The following NXN variants were observed in gnomAD, a reference collection of about 807,000 sequenced individuals.
NXN encodes the protein nucleoredoxin 1.
In NXN, 16 loss-of-function variants were observed where a neutral mutation model predicts 48.6. That is an observed-to-expected ratio of 0.33 (90% CI 0.22 to 0.50). The LOEUF is 0.50. NXN is among the 20% of genes least tolerant of loss of function. NXN has a pLI of 0.98. For missense variants in NXN, 492 were observed against 605.5 expected, an observed-to-expected ratio of 0.81 and a Z score of 1.97; for synonymous variants, 281 against 269.6, an observed-to-expected ratio of 1.04 and a Z score of -0.41.
intron 1 of NXN, among the ~76,000 whole-genome samples, chr17:880,715 G>A (rs974964670): frequency 5.9e-5 from 9 of 152,168 alleles, no homozygotes; most frequent in Admixed American, 5.2e-4. Flanking sequence ...AAGAAGCAGA[G>A]GGGCTGGCCT....
At chr17:891,239 T>G (rs1453079476) in intron 1 of NXN, among the ~76,000 whole-genome samples, 1 of 152,102 alleles carries the variant, frequency 6.6e-6, no homozygotes, top group Non-Finnish European at 1.5e-5. Flanking sequence ...CATGCCCAGC[T>G]AATTTTTTGT....
chr17:817,274 G>T (rs899286279), intron 5 of NXN, among the ~76,000 whole-genome samples: 2 of 151,948 alleles, frequency 1.3e-5, no homozygotes, highest in African/African-American at 4.8e-5. Context: ...TATGTACTTG[G>T]GATTGAGAAG....
At chr17:943,934 TA>T (rs969526799) in intron 1 of NXN, among the ~76,000 whole-genome samples, 30 of 147,822 alleles carry the variant, frequency 2.0e-4, no homozygotes, top group Non-Finnish European at 2.9e-4. Context: ...ATCCTTCTCC[TA>T]AAAAAAAAAT....
chr17:911,408 C>T (rs1351291526), intron 1 of NXN, among the ~76,000 whole-genome samples: 5 of 144,010 alleles, frequency 3.5e-5, no homozygotes, highest in African/African-American at 7.7e-5. Flanking sequence ...GGCGCGATCT[C>T]GGCTTGCTGC....
intron 1 of NXN, among the ~76,000 whole-genome samples, chr17:827,245 G>A (rs1322167396): frequency 1.3e-5 from 2 of 152,188 alleles, no homozygotes; most frequent in Non-Finnish European, 2.9e-5. Flanking sequence ...TTGGGAGGCC[G>A]AGGTGGGTGG....
chr17:863,287 C>T (rs977742844), intron 1 of NXN, among the ~76,000 whole-genome samples: 2 of 152,184 alleles, frequency 1.3e-5, no homozygotes, highest in Non-Finnish European at 1.5e-5. Flanking sequence ...CCTACCTCAG[C>T]CTCCTGAGTA....
intron 1 of NXN, chr17:896,856 C>CCGGGGGGGGGGGG: frequency 1.7e-6 from 2 of 1,156,928 alleles, no homozygotes; most frequent in Non-Finnish European, 2.2e-6. Context: ...CGGTCCTGAC[C>CCGGGGGGGGGGGG]ACCCGCCCCC....
chr17:916,333 TATTTAAAACA>T (rs1439472216), intron 1 of NXN, among the ~76,000 whole-genome samples: 1 of 152,200 alleles, frequency 6.6e-6, no homozygotes, highest in Non-Finnish European at 1.5e-5. Flanking sequence ...AAAATGAGAT[TATTTAAAACA>T]ATTTAAAAGA....
rs1382010266 is a variant in NXN, at chr17:920,365, A to G, written c.360+58954T>C. On this transcript the variant is annotated intron_variant, in intron 1 of 7. Coordinates refer to ENST00000336868, the MANE Select transcript of NXN (RefSeq NM_022463.5). The surrounding 1 kb of genome is among the most constrained non-coding windows in gnomAD (Gnocchi z 4.6). ...GAGGTGCCCATGTGGCTCTCCTCCC[A>G]GCCCCGAGCGCCTGGGGATACCTAG... is the stretch of plus-strand genomic sequence containing the variant. 6.6e-6 allele frequency among the ~76,000 whole-genome samples: 1 copy of G among 151,978 alleles called. No homozygotes were observed. The highest frequency in any genetic ancestry group is 2.4e-5 in the African/African-American group (1 of 41,336).
At position 953,761 on chromosome 17, in the gene NXN, C is replaced by T. The variant is rs893362845; in HGVS notation, c.360+25558G>A. ...GACCAGCCTGGGCAACATAGTGAGA[C>T]CCCCATCTCTAACAAAAATTTAAAA... On this transcript the variant is annotated intron_variant, in intron 1 of 7. Coordinates refer to ENST00000336868, the MANE Select transcript of NXN (RefSeq NM_022463.5). Among the ~76,000 whole-genome samples the T allele has an allele frequency of 4.6e-5, 7 of 150,902 alleles. No homozygotes were observed. In the East Asian group the frequency reaches 1.4e-3, roughly 30 times the overall value.
rs539524737 is a variant in NXN at position 825,061 on chromosome 17, G to A, written c.478+900C>T. Reference sequence around the variant, plus strand: ...GCCTGGGCAAGCCTAGGGAGACCCCGTCTCTACAAATAATAAAAAATTAGC... The same window carrying A: ...GCCTGGGCAAGCCTAGGGAGACCCCATCTCTACAAATAATAAAAAATTAGC... On this transcript the variant is annotated intron_variant, in intron 2 of 7. Transcript: ENST00000336868. This position sits in a 1 kb window ranked among gnomAD's most constrained non-coding sequence, Gnocchi z 4.1. Among the ~76,000 whole-genome samples the A allele has an allele frequency of 1.6e-4, 24 of 152,138 alleles. No individual in the cohort carries two copies. The highest frequency in any genetic ancestry group is 4.2e-4 in the South Asian group (2 of 4,814).
At chr17:894,693 G>T (rs1051201944) in intron 1 of NXN, among the ~76,000 whole-genome samples, 6 of 152,348 alleles carry the variant, frequency 3.9e-5, no homozygotes, top group African/African-American at 7.2e-5. Context: ...GAACCTGGGG[G>T]TCCTGCCGGG....
chr17:966,162 G>A (rs767248598), intron 1 of NXN, among the ~76,000 whole-genome samples: 1 of 151,544 alleles, frequency 6.6e-6, no homozygotes, highest in Non-Finnish European at 1.5e-5. Flanking sequence ...GAGATCTCGC[G>A]ACATGGTAAC....
intron 1 of NXN, among the ~76,000 whole-genome samples, chr17:931,463 A>AT: frequency 6.7e-6 from 1 of 150,148 alleles, no homozygotes; most frequent in Non-Finnish European, 1.5e-5. Flanking sequence ...AAAAAAAAAA[A>AT]CAAGAAAGAT....
Position 929,226 on chromosome 17 carries a change from G to A in NXN, c.360+50093C>T, listed in dbSNP as rs574269889. Among the ~76,000 whole-genome samples, 667 of 152,348 alleles carry A rather than the reference G, an allele frequency of 4.4e-3. 22 individuals are homozygous for A. The highest frequency in any genetic ancestry group is 0.042 in the Admixed American group (635 of 15,294). ...CCGGCTTTCCCCGAGGGCTGGCTGC[G>A]GCCCTCCACTCTGTCCCCCACCACC... On this transcript the variant is annotated intron_variant, in intron 1 of 7. Transcript: ENST00000336868.
Position 847,224 on chromosome 17 carries a change from CTT to C in NXN, c.361-21148_361-21147del, listed in dbSNP as rs34367280. ...CTATTTGATTGTTATTTCACAAGGG[CTT>C]TTTTTTTTTCCCTTCTCGGCTGCGT... On this transcript the variant is annotated intron_variant, in intron 1 of 7. Transcript: ENST00000336868. Among the ~76,000 whole-genome samples, 452 of 146,488 alleles carry C rather than the reference CTT, an allele frequency of 3.1e-3. 2 individuals carry two copies. Among genetic ancestry groups the C allele is most frequent in the African/African-American group, 0.011 (440 of 40,140 alleles).
At chr17:868,983 G>A (rs1049542377) in intron 1 of NXN, among the ~76,000 whole-genome samples, 1 of 152,328 alleles carries the variant, frequency 6.6e-6, no homozygotes, top group Middle Eastern at 3.4e-3. Context: ...GAGTGTTGGA[G>A]CTTCCCAGGG....
intron 5 of NXN, among the ~76,000 whole-genome samples, chr17:812,014 GTCT>G (rs1341477114): frequency 1.4e-5 from 2 of 139,542 alleles, no homozygotes; most frequent in Admixed American, 8.1e-5. Context: ...TGCAAGCTCC[GTCT>G]CCCGGGTTCA....
At chr17:845,400 C>T (rs763531114) in intron 1 of NXN, among the ~76,000 whole-genome samples, 1 of 151,524 alleles carries the variant, frequency 6.6e-6, no homozygotes, top group Non-Finnish European at 1.5e-5. Context: ...ACTCAACATC[C>T]GAGAGAGAAT....
Sources: allele counts gnomAD v4.1 joint callset (sites outside exome capture counted in the v4.1 genomes callset), GRCh38; gene constraint gnomAD v4.1.1; non-coding constraint Gnocchi (gnomAD v3.1); transcripts MANE v1.5; gene names NCBI Gene and HGNC (gene_info 2026-07-23, HGNC 2026-07-21).